The following PTPN3 variants were observed in gnomAD, a reference collection of about 807,000 sequenced individuals.
The protein encoded by PTPN3 is tyrosine-protein phosphatase non-receptor type 3.
Under a neutral mutation model 132.7 loss-of-function variants are expected in PTPN3, and 96 were observed. The observed-to-expected ratio is 0.72, with a 90% CI of 0.61 to 0.86. The LOEUF (loss-of-function observed/expected upper bound fraction) is 0.86, where lower values mean the gene tolerates loss of function less well. Ranked by LOEUF, PTPN3 falls within the 40% of genes least tolerant of loss-of-function variation. The pLI, the probability that PTPN3 is intolerant of heterozygous loss-of-function variation, is 0.00. For missense variants in PTPN3, 1,125 were observed against 1,159.6 expected (o/e 0.97, Z 0.43); for synonymous variants, 398 against 429.0 (o/e 0.93, Z 0.89).
upstream of PTPN3, among the ~76,000 whole-genome samples, chr9:109,501,277 G>T (rs933007544): frequency 2.0e-5 from 3 of 152,202 alleles, no homozygotes; most frequent in Non-Finnish European, 4.4e-5. Flanking sequence ...AAACAATCTA[G>T]GGGCTGTTCA....
At chr9:109,389,712 A>G (rs1337299041) in intron 21 of PTPN3, among the ~76,000 whole-genome samples, 3 of 152,222 alleles carry the variant, frequency 2.0e-5, no homozygotes, top group African/African-American at 4.8e-5. Flanking sequence ...TTTCAGCCGT[A>G]TGTACCAATC....
intron 1 of PTPN3, among the ~76,000 whole-genome samples, chr9:109,488,652 T>A (rs144211792): frequency 6.6e-6 from 1 of 152,322 alleles, no homozygotes; most frequent in East Asian, 1.9e-4. Flanking sequence ...TATAATAATT[T>A]GTAATCCAGG....
At chr9:109,391,434 T>A in intron 20 of PTPN3, 37 bp downstream of exon 20, 1 of 1,553,312 alleles carries the variant, frequency 6.4e-7, no homozygotes, top group Non-Finnish European at 8.9e-7. Context: ...ATTATCTCAG[T>A]GTAGGGGGGA....
intron 14 of PTPN3, among the ~76,000 whole-genome samples, chr9:109,414,063 G>T (rs1439110593): frequency 2.0e-5 from 3 of 152,112 alleles, no homozygotes; most frequent in African/African-American, 7.2e-5. Context: ...CGGAACACAG[G>T]ACCAGGCACA....
At chr9:109,494,054 C>T (rs1422965783) in intron 1 of PTPN3, among the ~76,000 whole-genome samples, 4 of 152,148 alleles carry the variant, frequency 2.6e-5, no homozygotes, top group Middle Eastern at 6.8e-3. Flanking sequence ...AGTGGCATTG[C>T]TCCCATCCAG....
the PTPN3 span, among the ~76,000 whole-genome samples, chr9:109,534,632 C>CAAAAAAAAAAAAAAAAAAAAAAAAAAAA: frequency 9.2e-6 from 1 of 108,752 alleles, no homozygotes; most frequent in African/African-American, 3.7e-5. Flanking sequence ...CAAAAAAATA[C>CAAAAAAAAAAAAAAAAAAAAAAAAAAAA]AAAAAAAAAA....
chr9:109,464,362 T>G (rs965483366), intron 1 of PTPN3, among the ~76,000 whole-genome samples: 14 of 152,108 alleles, frequency 9.2e-5, no homozygotes, highest in Non-Finnish European at 1.9e-4. Flanking sequence ...TGAGAACATA[T>G]GGACACAAAG....
chr9:109,440,012 C>T (rs1274314078), intron 7 of PTPN3, among the ~76,000 whole-genome samples: 1 of 152,208 alleles, frequency 6.6e-6, no homozygotes, highest in African/African-American at 2.4e-5. Flanking sequence ...GAGATCCACA[C>T]CATAACGAAG....
intron 7 of PTPN3, among the ~76,000 whole-genome samples, chr9:109,443,719 T>C (rs972765655): frequency 1.3e-5 from 2 of 152,060 alleles, no homozygotes; most frequent in South Asian, 2.1e-4. Context: ...CCCATATGGA[T>C]GTGAAATGGC....
At chr9:109,399,495 A>G (rs555382231) in intron 19 of PTPN3, among the ~76,000 whole-genome samples, 3 of 152,304 alleles carry the variant, frequency 2.0e-5, no homozygotes, top group African/African-American at 7.2e-5. Flanking sequence ...TAACAGAGAC[A>G]ACATATGTGC....
chr9:109,431,078 T>C (rs915362954), intron 10 of PTPN3, among the ~76,000 whole-genome samples: 1 of 152,224 alleles, frequency 6.6e-6, no homozygotes, highest in Non-Finnish European at 1.5e-5. Context: ...GTCTCCCCGC[T>C]GGTCTCTGAG....
chr9:109,534,662 C>T, the PTPN3 span, among the ~76,000 whole-genome samples: 8 of 133,934 alleles, frequency 6.0e-5, no homozygotes, highest in East Asian at 1.9e-3. Context: ...AATACCTGGG[C>T]GTGGTAGCTT....
intron 14 of PTPN3, 97 bp downstream of exon 14, chr9:109,420,327 A>AG (rs1049712372): frequency 7.7e-7 from 1 of 1,291,712 alleles, no homozygotes; most frequent in Non-Finnish European, 1.0e-6. Flanking sequence ...TGCAGGCACC[A>AG]GCTCTTGGTT....
intron 1 of PTPN3, among the ~76,000 whole-genome samples, chr9:109,486,932 T>C (rs1454431928): frequency 6.6e-6 from 1 of 152,210 alleles, no homozygotes; most frequent in Non-Finnish European, 1.5e-5. Context: ...TTGTGTTTGC[T>C]TCCCCTTCCG....
intron 14 of PTPN3, among the ~76,000 whole-genome samples, chr9:109,413,432 T>C (rs1050486217): frequency 5.7e-4 from 87 of 152,120 alleles, no homozygotes; most frequent in African/African-American, 2.1e-3. Flanking sequence ...AATGAGGAGA[T>C]GCAATGAGTA....
rs184379076 is a variant in PTPN3, at chr9:109,388,029, G to A, written c.2253+1204C>T. 1.4e-3 allele frequency among the ~76,000 whole-genome samples: 217 copies of A among 152,326 alleles called. 2 individuals are homozygous for A. The highest frequency in any genetic ancestry group is 1.8e-3 in the Admixed American group (28 of 15,306). Reference sequence around the variant, plus strand: ...CTTGCAGACCTGAGAGTAGCACAGCGAGGCTGGGGAGCGGGGGTGGACTCC... The same window carrying A: ...CTTGCAGACCTGAGAGTAGCACAGCAAGGCTGGGGAGCGGGGGTGGACTCC... On this transcript the variant is annotated intron_variant, in intron 22 of 25. Coordinates refer to ENST00000374541, the MANE Select transcript of PTPN3 (RefSeq NM_002829.4).
In PTPN3 at chr9:109,408,796, A is replaced by AATAT. The variant is rs1219154297; in HGVS notation, c.1579-423_1579-420dup. Among the ~76,000 whole-genome samples, 831 of 108,278 alleles carry AATAT rather than the reference A, an allele frequency of 7.7e-3. 18 individuals carry two copies. Among genetic ancestry groups the AATAT allele is most frequent in the African/African-American group, 0.027 (713 of 26,876 alleles). 71.0% of individuals were successfully genotyped at this position (108,278 alleles called of 152,430 possible). ...TTATAATAATTAAAAAAAAAAAAAA[A>AATAT]ATATATATATATATATATATATGGG... On this transcript the variant is annotated intron_variant, in intron 16 of 25. Transcript: ENST00000374541.
chr9:109,430,174 A>G (rs528872328), intron 10 of PTPN3, among the ~76,000 whole-genome samples: 44 of 152,282 alleles, frequency 2.9e-4, no homozygotes, highest in Non-Finnish European at 7.4e-5. Context: ...ATCTCCCTGA[A>G]GTCGGGGGAG....
intron 18 of PTPN3, 100 bp downstream of exon 18, chr9:109,406,362 G>C: frequency 1.5e-6 from 2 of 1,367,774 alleles, no homozygotes; most frequent in Non-Finnish European, 2.0e-6. Context: ...TCAAATGTTG[G>C]CTACAAACTC....
Sources: allele counts gnomAD v4.1 joint callset (sites outside exome capture counted in the v4.1 genomes callset), GRCh38; gene constraint gnomAD v4.1.1; transcripts MANE v1.5; gene names NCBI Gene and HGNC (gene_info 2026-07-23, HGNC 2026-07-21).